The following ZNF469 variants were observed in gnomAD, a reference collection of about 807,000 sequenced individuals.
ZNF469 encodes the protein zinc finger protein 469.
Under a neutral mutation model 1.0 loss-of-function variants are expected in ZNF469, and 1 was observed. That is an observed-to-expected ratio of 1.00 (90% CI 0.35 to 4.73). The LOEUF is 4.73. Among genes scored for constraint, ZNF469 ranks in the 30% most tolerant of loss-of-function variants. ZNF469 has a pLI of 0.16. For missense variants in ZNF469, 6,100 were observed against 5,356.3 expected (o/e 1.14, Z -4.33); for synonymous variants, 2,703 against 2,363.4 (o/e 1.14, Z -4.17).
chr16:88,295,938 G>C, the ZNF469 span, among the ~76,000 whole-genome samples: 51 of 152,336 alleles, frequency 3.3e-4, no homozygotes, highest in African/African-American at 1.2e-3. Flanking sequence ...CTCTGCCCCT[G>C]TGAGATGTTT....
In ZNF469 at chr16:88,422,281, A is replaced by ATGGATGGATGG. The variant is rs1567506436; in HGVS notation, c.-191-2526_-191-2525insTGGATGGATGG. Among the ~76,000 whole-genome samples the ATGGATGGATGG allele has an allele frequency of 6.0e-4, 73 of 121,932 alleles. 1 individual carries two copies. Among genetic ancestry groups the ATGGATGGATGG allele is most frequent in the Admixed American group, 1.2e-3 (15 of 12,704 alleles). 80.0% of individuals were successfully genotyped at this position (121,932 alleles called of 152,430 possible). On this transcript the variant is annotated intron_variant, in intron 1 of 2. Coordinates refer to ENST00000565624, the MANE Select transcript of ZNF469 (RefSeq NM_001367624.2). The stretch of plus-strand genomic sequence containing the variant: ...TGGATGGGTGGATGGATAGGTGGGT[A>ATGGATGGATGG]ATGGATGGATGGATGGATGAGTGGG...
At chr16:88,402,722 G>A (rs1335649785) in intron 1 of ZNF469, among the ~76,000 whole-genome samples, 1 of 152,184 alleles carries the variant, frequency 6.6e-6, no homozygotes, top group Non-Finnish European at 1.5e-5. Context: ...ACAGAATGGG[G>A]CCCGGCCCCC....
chr16:88,382,973 C>G lies in ZNF469; in HGVS notation c.-473C>G, dbSNP rs1485365898. ...CTCCGGGGGGCAGACCCCGCGGCCG[C>G]CGGCCGGCGTCCGGCCTTCCCAGCA... On this transcript the variant is annotated 5_prime_UTR_variant, in exon 1 of 3. Transcript: ENST00000565624. Among the ~76,000 whole-genome samples, 1 of 151,920 alleles carries G rather than the reference C, an allele frequency of 6.6e-6. No individual in the cohort carries two copies. The highest frequency in any genetic ancestry group is 1.5e-5 in the Non-Finnish European group (1 of 67,936).
chr16:88,108,236 G>A, the ZNF469 span, among the ~76,000 whole-genome samples: 3 of 147,548 alleles, frequency 2.0e-5, no homozygotes, highest in African/African-American at 7.9e-5. Flanking sequence ...TGGGGATGCG[G>A]GGAGGGGGGT....
chr16:88,196,400 T>C, the ZNF469 span, among the ~76,000 whole-genome samples: 3 of 152,092 alleles, frequency 2.0e-5, no homozygotes, highest in African/African-American at 4.8e-5. Flanking sequence ...GGGGGGAAAT[T>C]TGGGTTTGAG....
the ZNF469 span, among the ~76,000 whole-genome samples, chr16:88,119,006 A>T: frequency 6.6e-6 from 1 of 152,244 alleles, no homozygotes; most frequent in South Asian, 2.1e-4. Context: ...AATGAGAGGC[A>T]GGGCGCTAGG....
At chr16:88,269,429 G>T in the ZNF469 span, among the ~76,000 whole-genome samples, 2 of 152,174 alleles carry the variant, frequency 1.3e-5, no homozygotes. Context: ...GTTTCCCACA[G>T]GAGATGAATA....
the ZNF469 span, among the ~76,000 whole-genome samples, chr16:88,135,778 T>TTTTTTG: frequency 2.4e-5 from 3 of 124,754 alleles, no homozygotes; most frequent in Non-Finnish European, 4.7e-5. Flanking sequence ...TTTTTTTTTT[T>TTTTTTG]GGGATGGAGT....
In ZNF469 at chr16:88,429,801, C is replaced by G. The variant is rs773822941; in HGVS notation, c.2331C>G (p.Pro777=). The G allele has an allele frequency of 5.8e-6, 9 of 1,545,218 alleles. No homozygotes were observed. Among genetic ancestry groups the G allele is most frequent in the African/African-American group, 1.4e-5 (1 of 72,950 alleles). Residue 777 remains proline, a synonymous_variant, in exon 3 of 3, where the codon CCC becomes CCG. Transcript: ENST00000565624. ...SPGPPGLPSP[P]AAPRVPADAH... is the part of the protein sequence containing the mutation. Reference sequence around the variant, plus strand: ...GCCCCCCTGGGCTCCCCTCGCCCCCCGCTGCCCCCAGAGTCCCTGCCGACG... The same window carrying G: ...GCCCCCCTGGGCTCCCCTCGCCCCCGGCTGCCCCCAGAGTCCCTGCCGACG...
the ZNF469 span, among the ~76,000 whole-genome samples, chr16:88,271,956 A>G: frequency 2.0e-5 from 3 of 151,648 alleles, no homozygotes; most frequent in African/African-American, 7.3e-5. Context: ...TGAATTGTGG[A>G]TAAATGGGTA....
At chr16:88,259,967 T>G in the ZNF469 span, among the ~76,000 whole-genome samples, 2 of 151,916 alleles carry the variant, frequency 1.3e-5, no homozygotes, top group Non-Finnish European at 2.9e-5. The surrounding 1 kb of genome is among the most constrained non-coding windows in gnomAD (Gnocchi z 4.1). Context: ...AAAAGTCACT[T>G]TTTTTTTGTT....
chr16:88,113,055 G>C, the ZNF469 span, among the ~76,000 whole-genome samples: 22,377 of 152,038 alleles, frequency 0.15, 2,031 homozygotes, highest in East Asian at 0.32. Flanking sequence ...TGGGATTACA[G>C]GTGTGAGCCA....
chr16:88,109,015 G>C, the ZNF469 span, among the ~76,000 whole-genome samples: 457 of 152,334 alleles, frequency 3.0e-3, 3 homozygotes, highest in African/African-American at 0.01. Flanking sequence ...ATCAATGACT[G>C]TTGTGCTTTT....
the ZNF469 span, among the ~76,000 whole-genome samples, chr16:88,265,689 G>A: frequency 2.6e-5 from 4 of 152,028 alleles, no homozygotes; most frequent in South Asian, 4.2e-4. Flanking sequence ...AAACCCGCCC[G>A]TCCTGGGTCA....
the ZNF469 span, among the ~76,000 whole-genome samples, chr16:88,261,136 G>A: frequency 2.0e-5 from 3 of 152,232 alleles, no homozygotes; most frequent in Admixed American, 6.5e-5. The surrounding 1 kb of genome is among the most constrained non-coding windows in gnomAD (Gnocchi z 6.0). Context: ...GGCAATCAGC[G>A]ATCTCACGCA....
chr16:88,309,287 G>A, the ZNF469 span, among the ~76,000 whole-genome samples: 3 of 152,256 alleles, frequency 2.0e-5, no homozygotes, highest in Admixed American at 2.0e-4. Flanking sequence ...GCGGTGACCT[G>A]TGGTGGCCAG....
At chr16:88,133,670 A>C in the ZNF469 span, among the ~76,000 whole-genome samples, 1 of 151,552 alleles carries the variant, frequency 6.6e-6, no homozygotes, top group South Asian at 2.1e-4. Context: ...AATAAATATA[A>C]ATAAAATCAA....
At chr16:88,320,840 C>G in the ZNF469 span, among the ~76,000 whole-genome samples, 1 of 152,168 alleles carries the variant, frequency 6.6e-6, no homozygotes, top group Non-Finnish European at 1.5e-5. Context: ...CAGTCAATGC[C>G]GAACCCACCC....
At chr16:88,295,346 G>A in the ZNF469 span, among the ~76,000 whole-genome samples, 135 of 44,048 alleles carry the variant, frequency 3.1e-3, 1 homozygote, top group African/African-American at 9.8e-3. Flanking sequence ...CCCCCAGGAC[G>A]TGGCAGGGCT....
Sources: gnomAD v4.1 joint callset for allele counts (sites outside exome capture counted in the v4.1 genomes callset) on GRCh38, gnomAD v4.1.1 for gene constraint, Gnocchi (gnomAD v3.1) non-coding constraint, MANE v1.5 for transcripts, NCBI Gene and HGNC (gene_info 2026-07-23, HGNC 2026-07-21) for gene names.